Variants in PDZD4 observed in about 807,000 individuals in gnomAD.
The protein encoded by PDZD4 is PDZ domain containing 4.
Under a neutral mutation model 38.5 loss-of-function variants are expected in PDZD4, and 9 were observed. That is an observed-to-expected ratio of 0.23 (90% CI 0.14 to 0.41). The LOEUF (loss-of-function observed/expected upper bound fraction) is 0.41. PDZD4 is among the 10% of genes least tolerant of loss of function. The pLI is 1.00. For missense variants in PDZD4, 612 were observed against 722.0 expected (o/e 0.85, Z 1.75); for synonymous variants, 349 against 315.7 (o/e 1.11, Z -1.12).
chrX:153,805,698 C>G lies in PDZD4; in HGVS notation c.568-92G>C. On this transcript the variant is annotated intron_variant, in intron 5 of 7. Coordinates refer to ENST00000393758, the MANE Select transcript of PDZD4 (RefSeq NM_001303512.2). ...GCAGGGAGCCCAAGCACTCTGGGCT[C>G]GGCTGGGCTAGGCTGGGGCTTGAGC... 8 of 708,509 alleles carry G rather than the reference C, an allele frequency of 1.1e-5. No individual in the cohort carries two copies. The South Asian group carries it at 1.3e-4, about 12-fold the overall frequency. The allele number at this position is 708,509 out of a possible 1,213,427, so 58.4% of individuals were successfully genotyped here. A position where few individuals can be genotyped will look rare whatever the true frequency, so the allele number is the denominator to read the frequency against.
chrX:153,824,944 G>A (rs2064465313), intron 1 of PDZD4, among the ~76,000 whole-genome samples: 1 of 112,288 alleles, frequency 8.9e-6, no homozygotes, highest in Non-Finnish European at 1.9e-5. Context: ...GTTTTGGTGA[G>A]CCCAGATCGT....
At chrX:153,819,983 G>A (rs1325039451) in intron 1 of PDZD4, among the ~76,000 whole-genome samples, 2 of 111,561 alleles carry the variant, frequency 1.8e-5, no homozygotes, top group East Asian at 2.8e-4. Flanking sequence ...ACGGAATTCC[G>A]CACTCATACA....
rs1361031031 is a variant in PDZD4 at position 153,830,362 on chromosome X, G to A, written c.-64C>T. The A allele has an allele frequency of 5.5e-6, 6 of 1,084,151 alleles. No individual in the cohort carries two copies. The highest frequency in any genetic ancestry group is 7.6e-6 in the Non-Finnish European group (6 of 789,117). The allele number at this position is 1,084,151 out of a possible 1,213,427, so 89.3% of individuals were successfully genotyped here. On this transcript the variant is annotated 5_prime_UTR_variant, in exon 1 of 8. Coordinates refer to ENST00000393758, the MANE Select transcript of PDZD4 (RefSeq NM_001303512.2). ...GAAGACGCCTTTCACTGACCCGGGC[G>A]CGGGACCTCGGGTCCCGGGCCGGGG...
rs187684382 is a variant in PDZD4 at position 153,829,957 on chromosome X, T to C, written c.60+282A>G. ...TGCGGGGAGAGCGTGTGCGGGGAAC[T>C]GCGCTCGTTGCTATGCAACCTCCAT... On this transcript the variant is annotated intron_variant, in intron 1 of 7. Coordinates refer to ENST00000393758, the MANE Select transcript of PDZD4 (RefSeq NM_001303512.2). 26 of 789,206 alleles carry C rather than the reference T, an allele frequency of 3.3e-5. No individual in the cohort carries two copies. In the East Asian group the frequency reaches 1.5e-3, roughly 45 times the overall value. 65.0% of individuals were successfully genotyped at this position (789,206 alleles called of 1,213,427 possible).
chrX:153,803,247 G>C lies in PDZD4; in HGVS notation c.*106C>G. Reference sequence around the variant, plus strand: ...GAGGAGATGTGTGCGTGCGCACAGCGAGCACGCGCGCGCGCACACACACAC... The same window carrying C: ...GAGGAGATGTGTGCGTGCGCACAGCCAGCACGCGCGCGCGCACACACACAC... On this transcript the variant is annotated 3_prime_UTR_variant, in exon 8 of 8. Coordinates refer to ENST00000393758, the MANE Select transcript of PDZD4 (RefSeq NM_001303512.2). The C allele has an allele frequency of 1.7e-5, 10 of 578,136 alleles. No individual in the cohort carries two copies. The highest frequency in any genetic ancestry group is 2.2e-5 in the Non-Finnish European group (9 of 412,966). The allele number at this position is 578,136 out of a possible 1,213,427, so 47.6% of individuals were successfully genotyped here. A position where few individuals can be genotyped will look rare whatever the true frequency, so the allele number is the denominator to read the frequency against.
In PDZD4 at chrX:153,805,199, T is replaced by C. The variant is rs2092208480; in HGVS notation, c.678A>G (p.Lys226=). 1 of 1,209,145 alleles carries C rather than the reference T, an allele frequency of 8.3e-7. No homozygotes were observed. Among genetic ancestry groups the C allele is most frequent in the East Asian group, 3.0e-5 (1 of 33,819 alleles). Residue 226 remains lysine, a synonymous_variant, in exon 7 of 8, where the codon AAA becomes AAG. Transcript: ENST00000393758. ...LVARPESQLA[K]RWKDSDRDDF... ...CATCCCGGTCGCTGTCCTTCCACCT[T>C]TTCGCCAGCTGTGGAGACAGGCCCT... is the stretch of plus-strand genomic sequence containing the variant.
Position 153,804,053 on chromosome X carries a change from C to T in PDZD4, c.1628G>A (p.Gly543Asp). ...GCGCTCCTCCGCGTGCTGCCTCCGG[C>T]CGGCCTCAGGATCCCGGGAGAGGGA... ...FRSLSRDPEA[G>D]RRQHAEERGR... Residue 543 changes from glycine (G) to aspartate (D), a missense_variant, in exon 8 of 8, where the codon GGC becomes GAC. By Grantham distance (94) the Gly-to-Asp change is moderately conservative (BLOSUM62 -1). Around this residue, in one of 3 missense-constraint regions of PDZD4, gnomAD observed 300 missense variants for 284.6 expected, o/e 1.05. Transcript: ENST00000393758. 1 of 1,159,107 alleles carries T rather than the reference C, an allele frequency of 8.6e-7. No homozygotes were observed.
Position 153,803,197 on chromosome X carries a change from C to G in PDZD4, c.*156G>C. On this transcript the variant is annotated 3_prime_UTR_variant, in exon 8 of 8. Transcript: ENST00000393758. ...CTCCTCAGGGGCTTCTCTCTGCTAACAAAGCCCTGTGCGCACACCCAGACG... is the reference window on the plus strand; with the variant it reads ...CTCCTCAGGGGCTTCTCTCTGCTAAGAAAGCCCTGTGCGCACACCCAGACG... 2 of 347,861 alleles carry G rather than the reference C, an allele frequency of 5.7e-6. No individual in the cohort carries two copies. The allele number at this position is 347,861 out of a possible 1,213,427, so 28.7% of individuals were successfully genotyped here.
rs2092180292 is a variant in PDZD4, at chrX:153,802,725, C to G, written c.*628G>C. 1 of 107,587 alleles carries G rather than the reference C, an allele frequency of 9.3e-6. No homozygotes were observed. Among genetic ancestry groups the G allele is most frequent in the Non-Finnish European group, 1.9e-5 (1 of 51,665 alleles). 8.9% of individuals were successfully genotyped at this position (107,587 alleles called of 1,213,427 possible). On this transcript the variant is annotated 3_prime_UTR_variant, in exon 8 of 8. Transcript: ENST00000393758. ...TCCATCCCCAGCCCTCCCTCCCACT[C>G]TTCCTCCCCAACTCCCTTCCCAGCC...
chrX:153,811,211 A>G (rs1386796174), intron 1 of PDZD4, among the ~76,000 whole-genome samples: 3 of 110,331 alleles, frequency 2.7e-5, no homozygotes, highest in Non-Finnish European at 3.8e-5. Context: ...ATCTTGGCTC[A>G]CTGCAACCTC....
At chrX:153,820,722 C>T (rs782585726) in intron 1 of PDZD4, among the ~76,000 whole-genome samples, 31 of 111,702 alleles carry the variant, frequency 2.8e-4, no homozygotes, top group African/African-American at 8.8e-4. Context: ...GATTCATTCC[C>T]GCGGTGAGAT....
chrX:153,819,297 C>T (rs1295282192), intron 1 of PDZD4, among the ~76,000 whole-genome samples: 1 of 113,126 alleles, frequency 8.8e-6, no homozygotes, highest in Non-Finnish European at 1.9e-5. Flanking sequence ...GGCGCACAGC[C>T]GGGTGGGGCG....
At chrX:153,811,957 C>T (rs1423555291) in intron 1 of PDZD4, among the ~76,000 whole-genome samples, 8 of 111,712 alleles carry the variant, frequency 7.2e-5, no homozygotes, top group African/African-American at 2.0e-4. Flanking sequence ...TCAAACACAG[C>T]GATTATTGGT....
chrX:153,816,509 G>T (rs1395163043), intron 1 of PDZD4, among the ~76,000 whole-genome samples: 1 of 110,478 alleles, frequency 9.1e-6, no homozygotes, highest in Non-Finnish European at 1.9e-5. Flanking sequence ...TGAGGGAAGA[G>T]GGGGGAATCC....
intron 1 of PDZD4, among the ~76,000 whole-genome samples, chrX:153,823,722 C>T (rs781971585): frequency 1.8e-5 from 2 of 112,359 alleles, no homozygotes; most frequent in South Asian, 7.4e-4. Flanking sequence ...AGTGAGATCC[C>T]GGGGGACACA....
intron 1 of PDZD4, among the ~76,000 whole-genome samples, chrX:153,810,325 C>T (rs1443784042): frequency 8.9e-6 from 1 of 112,631 alleles, no homozygotes; most frequent in Non-Finnish European, 1.9e-5. Flanking sequence ...TGGCCATGCA[C>T]GCCTCGGTGG....
intron 1 of PDZD4, among the ~76,000 whole-genome samples, chrX:153,827,070 C>G (rs781891565): frequency 8.9e-6 from 1 of 112,162 alleles, no homozygotes; most frequent in Non-Finnish European, 1.9e-5. Flanking sequence ...TTCCTTACTT[C>G]AAAACTTACT....
Position 153,804,280 on chromosome X carries a change from C to T in PDZD4, c.1401G>A (p.Glu467=), listed in dbSNP as rs782538853. 1 of 1,208,358 alleles carries T rather than the reference C, an allele frequency of 8.3e-7. No homozygotes were observed. Among genetic ancestry groups the T allele is most frequent in the South Asian group, 1.8e-5 (1 of 56,987 alleles). ...HELSDISELP[E]KSDKDSTSAY... ...CGCTGGTGCTGTCCTTGTCCGACTT[C>T]TCGGGCAGCTCGGAGATGTCGGACA... Residue 467 remains glutamate (E), a synonymous_variant, in exon 8 of 8, where the codon GAG becomes GAA. Transcript: ENST00000393758.
At chrX:153,814,168 G>A (rs1433515490) in intron 1 of PDZD4, among the ~76,000 whole-genome samples, 1 of 110,454 alleles carries the variant, frequency 9.1e-6, no homozygotes, top group Non-Finnish European at 1.9e-5. Context: ...TGATGTACCC[G>A]GACTCTACTA....
Sources: allele counts gnomAD v4.1 joint callset (sites outside exome capture counted in the v4.1 genomes callset), GRCh38; gene constraint gnomAD v4.1.1; regional missense constraint gnomAD v4.1.1; transcripts MANE v1.5; gene names NCBI Gene and HGNC (gene_info 2026-07-23, HGNC 2026-07-21).